Variants in TLN2 observed in about 807,000 individuals in gnomAD.
The protein encoded by TLN2 is talin 2.
Under a neutral mutation model 294.7 loss-of-function variants are expected in TLN2, and 118 were observed. The observed-to-expected ratio is 0.40, with a 90% CI of 0.34 to 0.47. The LOEUF (loss-of-function observed/expected upper bound fraction) is 0.47. Ranked by LOEUF, TLN2 falls within the 20% of genes least tolerant of loss-of-function variation. The probability of loss-of-function intolerance (pLI) is 0.84; values close to 1 mark genes in which losing one functional copy is unlikely to be tolerated. For missense variants in TLN2, 3,083 were observed against 3,282.2 expected (o/e 0.94, Z 1.48); for synonymous variants, 1,431 against 1,304.5 (o/e 1.10, Z -2.09).
chr15:62,509,336 G>A (rs960529928), intron 1 of TLN2, among the ~76,000 whole-genome samples: 1 of 152,142 alleles, frequency 6.6e-6, no homozygotes, highest in African/African-American at 2.4e-5. Flanking sequence ...TGCTAGTAGA[G>A]CCTATTTGTT....
chr15:62,741,748 C>CGCGCGCGCGCGCGTGTGTGT, intron 32 of TLN2, among the ~76,000 whole-genome samples: 2 of 131,072 alleles, frequency 1.5e-5, no homozygotes, highest in Non-Finnish European at 1.6e-5. Flanking sequence ...AAAATTTGCG[C>CGCGCGCGCGCGCGTGTGTGT]GTGTGTGTGT....
rs890956319 is a variant in TLN2, at chr15:62,554,378, T to C, written c.-237-35309T>C. ...TTGTACCAGCTGTTGATACCAGATA[T>C]AGAATTTTGGTTGAGTTTTAAGCCC... On this transcript the variant is annotated intron_variant, in intron 1 of 58. Coordinates refer to ENST00000636159, the MANE Select transcript of TLN2 (RefSeq NM_015059.3). 7.3e-5 allele frequency among the ~76,000 whole-genome samples: 11 copies of C among 149,812 alleles called. No homozygotes were observed. In the East Asian group the frequency reaches 7.8e-4, roughly 11 times the overall value.
chr15:62,838,801 C>T lies in TLN2; in HGVS notation c.7375-55C>T, dbSNP rs2070166813. ...AACTGTACCTTCATGTCTATTCTTGCCAGGCCCAAATGGCTGTTTCTAATG... is the reference window on the plus strand; with the variant it reads ...AACTGTACCTTCATGTCTATTCTTGTCAGGCCCAAATGGCTGTTTCTAATG... On this transcript the variant is annotated intron_variant, in intron 57 of 58. Coordinates refer to ENST00000636159, the MANE Select transcript of TLN2 (RefSeq NM_015059.3). The T allele has an allele frequency of 6.9e-6, 11 of 1,596,352 alleles. No individual in the cohort carries two copies. In the Admixed American group the frequency reaches 1.9e-4, roughly 27 times the overall value.
intron 1 of TLN2, among the ~76,000 whole-genome samples, chr15:62,425,722 G>C (rs949461905): frequency 1.3e-5 from 2 of 152,174 alleles, no homozygotes; most frequent in Non-Finnish European, 2.9e-5. Context: ...ATTTCACCTC[G>C]TGCAAGTGCT....
chr15:62,707,274 G>C, intron 20 of TLN2, 21 bp downstream of exon 20: 1 of 1,597,400 alleles, frequency 6.3e-7, no homozygotes, highest in South Asian at 1.1e-5. Context: ...TGGCACCCCA[G>C]CCCTTTCTAC....
chr15:62,575,158 T>A (rs926189766), intron 1 of TLN2, among the ~76,000 whole-genome samples: 11 of 151,960 alleles, frequency 7.2e-5, no homozygotes, highest in African/African-American at 2.7e-4. Flanking sequence ...ACCAAAAATT[T>A]AAAAATTGGT....
At chr15:62,675,117 C>G (rs2056016920) in intron 10 of TLN2, 100 bp from the exon 11 acceptor site, 2 of 1,071,022 alleles carry the variant, frequency 1.9e-6, no homozygotes, top group Admixed American at 2.0e-5. Flanking sequence ...AATGATCATT[C>G]CTAGCCATTT....
chr15:62,664,046 C>G (rs1364230941), intron 9 of TLN2, among the ~76,000 whole-genome samples: 1 of 151,886 alleles, frequency 6.6e-6, no homozygotes, highest in Non-Finnish European at 1.5e-5. Context: ...AATTAAAACA[C>G]TACATTAGTA....
chr15:62,740,912 G>A, intron 32 of TLN2, 143 bp downstream of exon 32: 2 of 995,712 alleles, frequency 2.0e-6, no homozygotes, highest in East Asian at 2.6e-5. Context: ...TGAGAGTGAT[G>A]GACACTCTGA....
chr15:62,548,756 A>G (rs915864884), intron 1 of TLN2, among the ~76,000 whole-genome samples: 1 of 152,222 alleles, frequency 6.6e-6, no homozygotes, highest in Non-Finnish European at 1.5e-5. Flanking sequence ...GTTTGGGGCC[A>G]GATCCTGTGG....
At chr15:62,651,460 G>A (rs1326732713) in intron 5 of TLN2, among the ~76,000 whole-genome samples, 2 of 152,132 alleles carry the variant, frequency 1.3e-5, no homozygotes, top group Non-Finnish European at 2.9e-5. Context: ...AAATTATTGG[G>A]AAAATAATTG....
intron 54 of TLN2, chr15:62,824,125 A>G (rs190739850): frequency 7.9e-6 from 3 of 381,458 alleles, no homozygotes; most frequent in African/African-American, 2.2e-5. Context: ...AAGATGGAGC[A>G]CTCATTACAA....
chr15:62,796,289 C>A lies in TLN2; in HGVS notation c.6046C>A (p.His2016Asn). The A allele has an allele frequency of 1.2e-6, 2 of 1,613,156 alleles. No homozygotes were observed. Among genetic ancestry groups the A allele is most frequent in the Non-Finnish European group, 1.7e-6 (2 of 1,179,600 alleles). Residue 2016 changes from histidine to asparagine, a missense_variant, in exon 47 of 59, where the codon CAC becomes AAC. Transcript: ENST00000636159. ...AGAGAACAGTGAGACCTTCGCAGAC[C>A]ACAGGTACGTGGGGGTCCTGGACGG... is the stretch of plus-strand genomic sequence containing the variant. ...NAENSETFAD[H>N]RENILKTAKA...
At chr15:62,647,233 T>C in intron 3 of TLN2, 42 bp from the exon 4 acceptor site, 1 of 1,506,778 alleles carries the variant, frequency 6.6e-7, no homozygotes, top group South Asian at 1.3e-5. Context: ...CAAGACAAAT[T>C]ATTATCGTGA....
intron 1 of TLN2, among the ~76,000 whole-genome samples, chr15:62,406,972 G>C (rs567272347): frequency 1.6e-4 from 25 of 152,166 alleles, no homozygotes; most frequent in Non-Finnish European, 2.1e-4. Flanking sequence ...TTGGGATGGG[G>C]GGTACAATTC....
chr15:62,442,000 A>G (rs2035570226), intron 1 of TLN2, among the ~76,000 whole-genome samples: 1 of 152,056 alleles, frequency 6.6e-6, no homozygotes, highest in African/African-American at 2.4e-5. Context: ...AAAAGGGTAA[A>G]GGTAAGTGAA....
At chr15:62,610,178 C>A (rs186340793) in intron 2 of TLN2, among the ~76,000 whole-genome samples, 21 of 152,332 alleles carry the variant, frequency 1.4e-4, no homozygotes, top group Admixed American at 5.2e-4. Flanking sequence ...GGATGTCGCT[C>A]ATCCTAGACT....
Position 62,836,045 on chromosome 15 carries a change from A to G in TLN2, c.7346A>G (p.Gln2449Arg). 1 of 1,611,946 alleles carries G rather than the reference A, an allele frequency of 6.2e-7. No homozygotes were observed. Among genetic ancestry groups the G allele is most frequent in the Non-Finnish European group, 8.5e-7 (1 of 1,179,078 alleles). ...LLVACKVKAD[Q>R]DSEAMRRLQA... ...GTGGCCTGCAAGGTGAAGGCCGACCAGGATTCAGAGGCCATGAGGCGGCTA... is the reference window on the plus strand; with the variant it reads ...GTGGCCTGCAAGGTGAAGGCCGACCGGGATTCAGAGGCCATGAGGCGGCTA... Residue 2449 changes from glutamine (Q) to arginine (R), a missense_variant, in exon 57 of 59, where the codon CAG becomes CGG. Gln to Arg is a conservative substitution (Grantham distance 43). Coordinates refer to ENST00000636159, the MANE Select transcript of TLN2 (RefSeq NM_015059.3).
At chr15:62,579,960 G>A (rs1329557406) in intron 1 of TLN2, among the ~76,000 whole-genome samples, 1 of 152,150 alleles carries the variant, frequency 6.6e-6, no homozygotes, top group African/African-American at 2.4e-5. Context: ...TTCAACCCGA[G>A]TGCTCTGATA....
Sources: allele counts gnomAD v4.1 joint callset (sites outside exome capture counted in the v4.1 genomes callset), GRCh38; gene constraint gnomAD v4.1.1; transcripts MANE v1.5; gene names NCBI Gene and HGNC (gene_info 2026-07-23, HGNC 2026-07-21).